The following AKAP6 variants were observed in gnomAD, a reference collection of about 807,000 sequenced individuals.
AKAP6 encodes the protein A-kinase anchor protein 6.
Under a neutral mutation model 188.5 loss-of-function variants are expected in AKAP6, and 58 were observed. That is an observed-to-expected ratio of 0.31 (90% CI 0.25 to 0.38). The LOEUF is 0.38. AKAP6 is among the 10% of genes least tolerant of loss of function. The probability of loss-of-function intolerance (pLI) is 1.00; values close to 1 mark genes in which losing one functional copy is unlikely to be tolerated. For missense variants in AKAP6, 2,710 were observed against 2,740.0 expected, an observed-to-expected ratio of 0.99 and a Z score of 0.24; for synonymous variants, 989 against 998.6, an observed-to-expected ratio of 0.99 and a Z score of 0.18.
At chr14:32,540,192 A>ATATTTTTTTTTT (rs1406480125) in intron 3 of AKAP6, among the ~76,000 whole-genome samples, 4 of 123,418 alleles carry the variant, frequency 3.2e-5, no homozygotes, top group Non-Finnish European at 3.4e-5. Context: ...ATATATATAT[A>ATATTTTTTTTTT]TTTTAATTTT....
At chr14:32,639,089 A>G (rs1011739058) in intron 7 of AKAP6, among the ~76,000 whole-genome samples, 3 of 152,122 alleles carry the variant, frequency 2.0e-5, no homozygotes, top group Non-Finnish European at 4.4e-5. Context: ...ATTGACATAC[A>G]AACAATATAT....
At chr14:32,698,209 T>G (rs1022123442) in intron 9 of AKAP6, among the ~76,000 whole-genome samples, 30 of 152,246 alleles carry the variant, frequency 2.0e-4, no homozygotes, top group Admixed American at 7.9e-4. Flanking sequence ...GAAAAATTGA[T>G]GAGAAGAATT....
intron 2 of AKAP6, among the ~76,000 whole-genome samples, chr14:32,455,012 C>A (rs1053726564): frequency 1.1e-4 from 17 of 150,190 alleles, no homozygotes; most frequent in Non-Finnish European, 2.5e-4. Flanking sequence ...TTCACCCAGA[C>A]CAGAATGTGG....
chr14:32,811,451 A>G (rs905454372), intron 12 of AKAP6, among the ~76,000 whole-genome samples: 28 of 152,094 alleles, frequency 1.8e-4, no homozygotes, highest in African/African-American at 6.3e-4. Flanking sequence ...TTGGCTCCCA[A>G]TTTGTCCTCA....
intron 5 of AKAP6, among the ~76,000 whole-genome samples, chr14:32,580,708 C>A (rs1884924508): frequency 1.3e-5 from 2 of 152,152 alleles, no homozygotes; most frequent in Admixed American, 1.3e-4. Flanking sequence ...CCCCACTCCC[C>A]CCACCCCACA....
intron 1 of AKAP6, chr14:32,385,233 G>C (rs1018478632): frequency 3.3e-5 from 5 of 151,594 alleles, no homozygotes; most frequent in Non-Finnish European, 7.4e-5. Context: ...TTACTTAAAT[G>C]TTTACTCTGA....
chr14:32,529,685 G>T (rs1349112471), intron 2 of AKAP6, among the ~76,000 whole-genome samples: 1 of 152,114 alleles, frequency 6.6e-6, no homozygotes, highest in Non-Finnish European at 1.5e-5. Flanking sequence ...CACTTTTGGG[G>T]AAATAAAAAT....
intron 10 of AKAP6, 96 bp from the exon 11 acceptor site, chr14:32,735,562 G>T: frequency 2.2e-6 from 2 of 918,552 alleles, no homozygotes; most frequent in Non-Finnish European, 1.6e-6. Flanking sequence ...TGTGTTTTTG[G>T]TACCTAAGTT....
At chr14:32,679,218 G>A (rs1889569060) in intron 8 of AKAP6, among the ~76,000 whole-genome samples, 1 of 152,016 alleles carries the variant, frequency 6.6e-6, no homozygotes, top group African/African-American at 2.4e-5. Context: ...TTTAAAAAGT[G>A]TATATATTTT....
intron 7 of AKAP6, among the ~76,000 whole-genome samples, chr14:32,643,419 C>T (rs367745990): frequency 3.8e-4 from 57 of 151,844 alleles, no homozygotes; most frequent in East Asian, 1.4e-3. Flanking sequence ...GTAATTCTCC[C>T]GCCTCAGCCT....
At position 32,765,026 on chromosome 14, in the gene AKAP6, C is replaced by G. The variant is rs1183899951; in HGVS notation, c.3373-8652C>G. Among the ~76,000 whole-genome samples the G allele has an allele frequency of 2.6e-5, 4 of 151,342 alleles. No homozygotes were observed. In the East Asian group the frequency reaches 7.8e-4, roughly 29 times the overall value. ...CTCGGCTCACTGCAACCTCTGCCTC[C>G]CAGGTTCAAGCAATTCTCCTGCCTC... On this transcript the variant is annotated intron_variant, in intron 11 of 13. Transcript: ENST00000280979.
chr14:32,334,277 C>T (rs1051686001), intron 1 of AKAP6, among the ~76,000 whole-genome samples: 5 of 152,118 alleles, frequency 3.3e-5, no homozygotes, highest in African/African-American at 9.7e-5. Context: ...TTAAATTATG[C>T]GCTGTTCTGC....
chr14:32,722,802 A>G (rs1486685743), intron 9 of AKAP6, among the ~76,000 whole-genome samples: 1 of 152,078 alleles, frequency 6.6e-6, no homozygotes, highest in African/African-American at 2.4e-5. Flanking sequence ...CTTTCCATCC[A>G]TTTGTGTGAC....
intron 1 of AKAP6, among the ~76,000 whole-genome samples, chr14:32,366,941 A>G (rs1887855090): frequency 6.6e-6 from 1 of 152,168 alleles, no homozygotes; most frequent in Admixed American, 6.5e-5. Context: ...AGCATGTTTT[A>G]TAAATCAGCC....
intron 2 of AKAP6, among the ~76,000 whole-genome samples, chr14:32,453,575 CTTTTTTTTTTTTTTTTTTTTTTTTT>C (rs71115071): frequency 1.0e-5 from 1 of 95,354 alleles, no homozygotes; most frequent in Non-Finnish European, 2.1e-5. Context: ...TTTTTCTTTT[CTTTTTTTTTTTTTTTTTTTTTTTTT>C]TTTTTTTTTT....
chr14:32,445,898 G>A (rs1489701571), intron 2 of AKAP6, among the ~76,000 whole-genome samples: 3 of 151,832 alleles, frequency 2.0e-5, no homozygotes, highest in African/African-American at 4.8e-5. Context: ...TTAAATAATT[G>A]GCAGATCTTC....
At chr14:32,462,858 C>T (rs935809250) in intron 2 of AKAP6, among the ~76,000 whole-genome samples, 20 of 55,320 alleles carry the variant, frequency 3.6e-4, no homozygotes, top group African/African-American at 1.3e-3. Flanking sequence ...CACATAGGCT[C>T]AAAATAAAGG....
chr14:32,463,139 C>A (rs747450840), intron 2 of AKAP6, among the ~76,000 whole-genome samples: 2 of 152,138 alleles, frequency 1.3e-5, no homozygotes, highest in Middle Eastern at 3.4e-3. Flanking sequence ...TAGACTCCCA[C>A]ACAGTAATAG....
At chr14:32,727,968 A>C (rs2030956178) in intron 9 of AKAP6, among the ~76,000 whole-genome samples, 1 of 152,218 alleles carries the variant, frequency 6.6e-6, no homozygotes, top group African/African-American at 2.4e-5. Flanking sequence ...AGTCTTCTGA[A>C]AAGCGGGGCA....
Sources: allele counts gnomAD v4.1 joint callset (sites outside exome capture counted in the v4.1 genomes callset), GRCh38; gene constraint gnomAD v4.1.1; transcripts MANE v1.5; gene names NCBI Gene and HGNC (gene_info 2026-07-23, HGNC 2026-07-21).